Variants in FTO observed in about 807,000 individuals in gnomAD.
FTO encodes the protein FTO alpha-ketoglutarate dependent dioxygenase.
Under a neutral mutation model 63.9 loss-of-function variants are expected in FTO, and 47 were observed. That is an observed-to-expected ratio of 0.74 (90% confidence interval 0.58 to 0.94). The LOEUF (loss-of-function observed/expected upper bound fraction) is 0.94, where lower values mean the gene tolerates loss of function less well. FTO is among the 40% of genes least tolerant of loss of function. The probability of loss-of-function intolerance (pLI) is 0.00; values close to 1 mark genes in which losing one functional copy is unlikely to be tolerated. For missense variants in FTO, 562 were observed against 618.1 expected (o/e 0.91, Z 0.96); for synonymous variants, 207 against 224.4 (o/e 0.92, Z 0.69).
chr16:53,834,991 C>T (rs2079250286), intron 3 of FTO, among the ~76,000 whole-genome samples: 1 of 152,116 alleles, frequency 6.6e-6, no homozygotes, highest in South Asian at 2.1e-4. Flanking sequence ...ATGAGAATGC[C>T]TTCCAAAACC....
At chr16:53,817,895 A>C (rs9940463) in intron 2 of FTO, among the ~76,000 whole-genome samples, 4,020 of 152,302 alleles carry the variant, frequency 0.026, 176 homozygotes, top group African/African-American at 0.091. Flanking sequence ...CATTTATGCC[A>C]CAGGATCATT....
chr16:53,998,785 A>T (rs374912834), intron 8 of FTO: 2 of 152,176 alleles, frequency 1.3e-5, no homozygotes, highest in Admixed American at 6.5e-5. Flanking sequence ...AAGAGGAAAC[A>T]CCTTATTTCT....
At chr16:53,854,214 T>A (rs767654168) in intron 4 of FTO, among the ~76,000 whole-genome samples, 4 of 152,202 alleles carry the variant, frequency 2.6e-5, no homozygotes, top group Non-Finnish European at 5.9e-5. Context: ...TTATAGGTTC[T>A]TTGTCAGATG....
At chr16:53,968,485 C>G (rs138431654) in intron 8 of FTO, among the ~76,000 whole-genome samples, 10 of 152,330 alleles carry the variant, frequency 6.6e-5, no homozygotes, top group African/African-American at 2.4e-4. Flanking sequence ...AATACACCAT[C>G]TAAAATCAGC....
intron 2 of FTO, among the ~76,000 whole-genome samples, chr16:53,812,994 A>G (rs2078574325): frequency 6.6e-6 from 1 of 152,350 alleles, no homozygotes; most frequent in East Asian, 1.9e-4. Context: ...AGCAACTGCC[A>G]AGCCATTTCA....
intron 8 of FTO, among the ~76,000 whole-genome samples, chr16:54,105,481 GC>G (rs2086731124): frequency 6.6e-6 from 1 of 152,112 alleles, no homozygotes; most frequent in Non-Finnish European, 1.5e-5. Context: ...GGTCTGACCC[GC>G]CCTGGCTCAC....
intron 8 of FTO, chr16:53,993,919 A>G (rs2083872207): frequency 6.6e-6 from 1 of 152,192 alleles, no homozygotes; most frequent in Non-Finnish European, 1.5e-5. Flanking sequence ...ACAGGGATTC[A>G]TTTTATCATA....
intron 8 of FTO, among the ~76,000 whole-genome samples, chr16:53,998,119 G>A (rs1434304664): frequency 1.3e-5 from 2 of 152,170 alleles, no homozygotes; most frequent in Admixed American, 6.6e-5. Context: ...AAACTTGACC[G>A]AGAAGGGAAG....
At chr16:53,724,713 A>G (rs1038150202) in intron 1 of FTO, among the ~76,000 whole-genome samples, 6 of 152,154 alleles carry the variant, frequency 3.9e-5, no homozygotes, top group African/African-American at 1.2e-4. Context: ...GGTGGATTTT[A>G]TGACCATTTC....
chr16:53,765,239 T>G (rs2077171482), intron 1 of FTO, among the ~76,000 whole-genome samples: 1 of 151,994 alleles, frequency 6.6e-6, no homozygotes, highest in South Asian at 2.1e-4. Flanking sequence ...ATTAATATTC[T>G]ATTAGAGGAA....
chr16:53,904,090 G>A (rs973644213), intron 7 of FTO, among the ~76,000 whole-genome samples: 3 of 151,534 alleles, frequency 2.0e-5, no homozygotes, highest in Non-Finnish European at 1.5e-5. Flanking sequence ...ATAGATATAT[G>A]TATATACATA....
At chr16:53,798,597 A>G (rs1451257507) in intron 1 of FTO, among the ~76,000 whole-genome samples, 4 of 152,212 alleles carry the variant, frequency 2.6e-5, no homozygotes, top group South Asian at 2.1e-4. Flanking sequence ...TAATTTTTGT[A>G]TATTGATATT....
intron 4 of FTO, among the ~76,000 whole-genome samples, chr16:53,862,459 C>T (rs1431680961): frequency 1.3e-5 from 2 of 151,794 alleles, no homozygotes; most frequent in Admixed American, 1.3e-4. Context: ...TTTTATAGTG[C>T]AGACTCTGGT....
Position 53,851,402 on chromosome 16 carries a change from C to T in FTO, c.895+7104C>T, listed in dbSNP as rs1307367933. On this transcript the variant is annotated intron_variant, in intron 4 of 8. Coordinates refer to ENST00000471389, the MANE Select transcript of FTO (RefSeq NM_001080432.3). ...TGAACCTGGGAGGCAGAGGTTGCAG[C>T]GAGTCAAGATTGCACCACTGCACTC... 9.4e-5 allele frequency among the ~76,000 whole-genome samples: 14 copies of T among 149,408 alleles called. No individual in the cohort carries two copies. The South Asian group carries it at 1.7e-3, about 18-fold the overall frequency.
intron 1 of FTO, among the ~76,000 whole-genome samples, chr16:53,727,284 G>A (rs376576547): frequency 1.3e-5 from 2 of 152,198 alleles, no homozygotes; most frequent in East Asian, 1.9e-4. Flanking sequence ...GTTAGTTTAA[G>A]GGACTAGATG....
intron 8 of FTO, among the ~76,000 whole-genome samples, chr16:54,010,573 T>TA (rs5816916): frequency 0.49 from 74,588 of 150,764 alleles, 19,743 homozygotes; most frequent in African/African-American, 0.68. Context: ...TCAGTCCTGT[T>TA]AAAAAAAAAA....
chr16:53,983,233 T>C (rs553826932), intron 8 of FTO, among the ~76,000 whole-genome samples: 4 of 152,266 alleles, frequency 2.6e-5, no homozygotes, highest in South Asian at 2.1e-4. Context: ...TACTCAACTT[T>C]TTTAACAAAC....
chr16:53,795,913 A>G (rs1396025636), intron 1 of FTO, among the ~76,000 whole-genome samples: 4 of 152,180 alleles, frequency 2.6e-5, no homozygotes, highest in Non-Finnish European at 5.9e-5. Context: ...AAAAATACAG[A>G]TACTTTCAGA....
chr16:53,979,560 TG>T, intron 8 of FTO: 1 of 392,498 alleles, frequency 2.5e-6, no homozygotes, highest in Non-Finnish European at 4.5e-6. Context: ...TGTGTGTGTG[TG>T]TGTGTGCGCG....
Sources: gnomAD v4.1 joint callset for allele counts (sites outside exome capture counted in the v4.1 genomes callset) on GRCh38, gnomAD v4.1.1 for gene constraint, MANE v1.5 for transcripts, NCBI Gene and HGNC (gene_info 2026-07-23, HGNC 2026-07-21) for gene names.